Variants in PHKA1 observed in about 807,000 individuals in gnomAD.
The protein encoded by PHKA1 is phosphorylase kinase regulatory subunit alpha 1, also known as phosphorylase b kinase regulatory subunit alpha, skeletal muscle isoform.
A neutral mutation model predicts 110.2 loss-of-function variants in PHKA1; 60 were observed. That is an observed-to-expected ratio of 0.54 (90% CI 0.44 to 0.68). PHKA1 has a LOEUF of 0.68. Among genes scored for constraint, PHKA1 ranks in the 30% least tolerant of loss-of-function variants. The pLI is 0.00. For synonymous variants in PHKA1, 316 were observed against 333.6 expected (o/e 0.95, Z 0.58); for missense variants, 801 against 942.5 (o/e 0.85, Z 1.97).
Position 72,579,627 on chromosome X carries a change from T to A in PHKA1, c.*1375A>T, listed in dbSNP as rs142925152. On this transcript the variant is annotated 3_prime_UTR_variant, in exon 32 of 32. Transcript: ENST00000373542. ...GTGTCAATCTGAGTCCACAGTCACA[T>A]CCCTTCTCTCACATGCAACATTCTT... 1 of 111,247 alleles carries A rather than the reference T, an allele frequency of 9.0e-6. No homozygotes were observed. Among genetic ancestry groups the A allele is most frequent in the African/African-American group, 3.3e-5 (1 of 30,536 alleles). The allele number at this position is 111,247 out of a possible 1,213,427, so 9.2% of individuals were successfully genotyped here.
intron 29 of PHKA1, among the ~76,000 whole-genome samples, chrX:72,592,617 C>A (rs188849943): frequency 6.5e-4 from 73 of 112,377 alleles, no homozygotes; most frequent in Admixed American, 2.2e-3. Flanking sequence ...TAGTTTTCAT[C>A]CAAGAAAAAA....
At chrX:72,583,935 G>C (rs1267598798) in intron 30 of PHKA1, among the ~76,000 whole-genome samples, 1 of 112,400 alleles carries the variant, frequency 8.9e-6, no homozygotes, top group Non-Finnish European at 1.9e-5. Context: ...AGGTAGGAAT[G>C]TGAAGGACGG....
intron 6 of PHKA1, among the ~76,000 whole-genome samples, chrX:72,675,023 A>G: frequency 1.0e-5 from 1 of 99,549 alleles, no homozygotes; most frequent in South Asian, 4.5e-4. Context: ...GTCTCTACTA[A>G]AAAAAAAAAA....
intron 3 of PHKA1, among the ~76,000 whole-genome samples, chrX:72,703,371 T>C (rs927510347): frequency 1.8e-5 from 2 of 111,968 alleles, no homozygotes; most frequent in African/African-American, 3.2e-5. Context: ...TTAAACCTAT[T>C]TGGTAAGGTA....
intron 16 of PHKA1, among the ~76,000 whole-genome samples, chrX:72,632,258 T>C (rs2053175661): frequency 8.9e-6 from 1 of 111,977 alleles, no homozygotes; most frequent in Non-Finnish European, 1.9e-5. Context: ...AGTATGTTGT[T>C]GTTTCCCATC....
intron 5 of PHKA1, among the ~76,000 whole-genome samples, chrX:72,680,305 T>C (rs1477059799): frequency 8.9e-6 from 1 of 112,027 alleles, no homozygotes; most frequent in African/African-American, 3.2e-5. Flanking sequence ...TGAGCCACCA[T>C]GCCCAGCCAT....
chrX:72,644,049 G>A (rs781898142), intron 14 of PHKA1, among the ~76,000 whole-genome samples: 5 of 111,220 alleles, frequency 4.5e-5, no homozygotes, highest in African/African-American at 9.8e-5. Flanking sequence ...TATAAAATAA[G>A]CAAGTATTTG....
chrX:72,711,104 G>A lies in PHKA1; in HGVS notation c.237+1675C>T, dbSNP rs887140253. Among the ~76,000 whole-genome samples the A allele has an allele frequency of 2.8e-5, 3 of 108,807 alleles. No homozygotes were observed. The East Asian group carries it at 8.8e-4, about 32-fold the overall frequency. The allele number at this position is 108,807 out of a possible 115,157, so 94.5% of individuals were successfully genotyped here. On this transcript the variant is annotated intron_variant, in intron 2 of 31. Coordinates refer to ENST00000373542, the MANE Select transcript of PHKA1 (RefSeq NM_002637.4). ...TCTCGATCTCCTGACCTCGTGATCC[G>A]CCCGCCTCGGCCTCCCAAAGTGCTG... is the stretch of plus-strand genomic sequence containing the variant.
chrX:72,682,734 G>A (rs1286792158), intron 5 of PHKA1, among the ~76,000 whole-genome samples: 8 of 84,747 alleles, frequency 9.4e-5, no homozygotes, highest in African/African-American at 3.1e-4. Flanking sequence ...CAGCATGCTC[G>A]TTAAGAGTCA....
At chrX:72,667,576 G>T in intron 6 of PHKA1, 103 bp from the exon 7 acceptor site, 2 of 579,793 alleles carry the variant, frequency 3.4e-6, no homozygotes, top group Non-Finnish European at 2.9e-6. Context: ...TGTCACTTTT[G>T]AATATGTCTG....
chrX:72,582,861 A>G (rs782778459), intron 30 of PHKA1, among the ~76,000 whole-genome samples: 1 of 111,880 alleles, frequency 8.9e-6, no homozygotes, highest in Non-Finnish European at 1.9e-5. Context: ...AAAGAGGAAG[A>G]AAGCTCCATA....
chrX:72,599,840 T>G (rs1389288156), intron 28 of PHKA1: 1 of 549,917 alleles, frequency 1.8e-6, no homozygotes, highest in Non-Finnish European at 3.3e-6. Context: ...ACATCAAATC[T>G]ATACCCAGGG....
intron 5 of PHKA1, among the ~76,000 whole-genome samples, chrX:72,681,327 G>A (rs1210398165): frequency 9.1e-6 from 1 of 110,415 alleles, no homozygotes; most frequent in Non-Finnish European, 1.9e-5. Flanking sequence ...CCCTCCGCCC[G>A]GCAGCTGCCC....
intron 28 of PHKA1, among the ~76,000 whole-genome samples, chrX:72,600,724 T>G (rs1303818490): frequency 9.0e-6 from 1 of 111,272 alleles, no homozygotes; most frequent in African/African-American, 3.3e-5. Context: ...AGCAAGGTGG[T>G]GGCATGCCTT....
intron 4 of PHKA1, among the ~76,000 whole-genome samples, chrX:72,693,340 C>T (rs2054064439): frequency 8.9e-6 from 1 of 112,127 alleles, no homozygotes; most frequent in African/African-American, 3.2e-5. Context: ...CCCAAATCTC[C>T]ATTGTTTTTT....
chrX:72,696,238 A>C (rs1263836133), intron 3 of PHKA1, among the ~76,000 whole-genome samples: 1 of 112,278 alleles, frequency 8.9e-6, no homozygotes, highest in African/African-American at 3.2e-5. Context: ...AGGTAACTGA[A>C]TGTGAAAAGA....
rs2052322905 is a variant in PHKA1, at chrX:72,580,598, C to G, written c.*404G>C. ...CCAAAGTACCCACCACTCATATACA[C>G]AATAAAATCACAAAAAAGAAAAACC... is the stretch of plus-strand genomic sequence containing the variant. On this transcript the variant is annotated 3_prime_UTR_variant, in exon 32 of 32. Coordinates refer to ENST00000373542, the MANE Select transcript of PHKA1 (RefSeq NM_002637.4). 5.0e-6 allele frequency: 1 copy of G among 198,174 alleles called. No individual in the cohort carries two copies. The highest frequency in any genetic ancestry group is 2.9e-5 in the African/African-American group (1 of 33,980). 16.3% of individuals were successfully genotyped at this position (198,174 alleles called of 1,213,427 possible).
At chrX:72,656,088 T>A in intron 10 of PHKA1, 32 bp downstream of exon 10, 3 of 1,205,919 alleles carry the variant, frequency 2.5e-6, no homozygotes, top group Non-Finnish European at 3.4e-6. Context: ...AACAAAAACA[T>A]TCTGCTGAAA....
chrX:72,695,263 A>C (rs1556326469), intron 4 of PHKA1, among the ~76,000 whole-genome samples: 1 of 112,083 alleles, frequency 8.9e-6, no homozygotes, highest in African/African-American at 3.2e-5. Flanking sequence ...TAGGAAAAAT[A>C]AAAGGAAATT....
Sources: allele counts gnomAD v4.1 joint callset (sites outside exome capture counted in the v4.1 genomes callset), GRCh38; gene constraint gnomAD v4.1.1; transcripts MANE v1.5; gene names NCBI Gene and HGNC (gene_info 2026-07-23, HGNC 2026-07-21).